Variants in SAMD5 observed in about 807,000 individuals in gnomAD.
SAMD5 encodes sterile alpha motif domain-containing protein 5.
A neutral mutation model predicts 11.3 loss-of-function variants in SAMD5; 13 were observed. The observed-to-expected ratio is 1.15, with a 90% CI of 0.75 to 1.83. SAMD5 has a LOEUF of 1.83. Ranked by LOEUF, SAMD5 falls within the 40% of genes most tolerant of loss-of-function variation. SAMD5 has a pLI of 0.00. For missense variants in SAMD5, 255 were observed against 239.1 expected (o/e 1.07, Z -0.44); for synonymous variants, 129 against 111.3 (o/e 1.16, Z -1.00).
chr6:147,820,626 T>C, the SAMD5 span, among the ~76,000 whole-genome samples: 2 of 152,238 alleles, frequency 1.3e-5, no homozygotes, highest in Non-Finnish European at 2.9e-5. Flanking sequence ...CATAGTAGTC[T>C]GAACAAAAGG....
At chr6:147,853,462 C>T in the SAMD5 span, among the ~76,000 whole-genome samples, 2 of 151,856 alleles carry the variant, frequency 1.3e-5, no homozygotes, top group Admixed American at 1.3e-4. Flanking sequence ...GTGAGTAGAC[C>T]TGTTAGGTTA....
At chr6:147,653,899 T>C (rs888666579) in intron 1 of SAMD5, among the ~76,000 whole-genome samples, 2 of 152,198 alleles carry the variant, frequency 1.3e-5, no homozygotes, top group African/African-American at 4.8e-5. Context: ...GATATTCCCA[T>C]GGGCATGGAG....
At chr6:147,791,285 G>A in the SAMD5 span, among the ~76,000 whole-genome samples, 145 of 150,376 alleles carry the variant, frequency 9.6e-4, no homozygotes, top group South Asian at 4.2e-4. Flanking sequence ...GTAAGACCCC[G>A]TCTCAAATAA....
At chr6:147,613,448 G>A (rs1467205204) in intron 1 of SAMD5, among the ~76,000 whole-genome samples, 1 of 151,780 alleles carries the variant, frequency 6.6e-6, no homozygotes, top group African/African-American at 2.4e-5. Flanking sequence ...TCAGAGACAG[G>A]GATTATTCTC....
the SAMD5 span, among the ~76,000 whole-genome samples, chr6:147,771,406 G>A: frequency 0.98 from 149,305 of 152,312 alleles, 73,201 homozygotes; most frequent in Middle Eastern, 1. Context: ...TTCCGGAAGC[G>A]GTAGCACTCC....
Position 147,566,233 on chromosome 6 carries a change from A to G in SAMD5, c.*1777A>G. ...TAAAAGCATGTATAGGTTGTCCTTAAATTATACAAAAGCTTTTAGTTTCAT... is the reference window on the plus strand; with the variant it reads ...TAAAAGCATGTATAGGTTGTCCTTAGATTATACAAAAGCTTTTAGTTTCAT... On this transcript the variant is annotated 3_prime_UTR_variant, in exon 2 of 2. Coordinates refer to ENST00000367474, the MANE Select transcript of SAMD5 (RefSeq NM_001030060.3). 7 of 978,602 alleles carry G rather than the reference A, an allele frequency of 7.2e-6. No individual in the cohort carries two copies. The highest frequency in any genetic ancestry group is 8.5e-6 in the Non-Finnish European group (7 of 823,742). 60.6% of individuals were successfully genotyped at this position (978,602 alleles called of 1,614,324 possible). A position where few individuals can be genotyped will look rare whatever the true frequency, so the allele number is the denominator to read the frequency against.
intron 1 of SAMD5, among the ~76,000 whole-genome samples, chr6:147,639,701 C>A (rs958783127): frequency 1.3e-5 from 2 of 152,202 alleles, no homozygotes; most frequent in Non-Finnish European, 2.9e-5. Flanking sequence ...AAAAAGGTGC[C>A]TGTGTTTCCT....
the SAMD5 span, among the ~76,000 whole-genome samples, chr6:147,745,840 G>A: frequency 6.7e-6 from 1 of 149,174 alleles, no homozygotes; most frequent in South Asian, 2.1e-4. Flanking sequence ...CTATGGTGAT[G>A]GGAACAAGGC....
chr6:147,657,178 G>A (rs1239755775), intron 1 of SAMD5, among the ~76,000 whole-genome samples: 1 of 152,088 alleles, frequency 6.6e-6, no homozygotes, highest in Non-Finnish European at 1.5e-5. Flanking sequence ...TTTCTTATAG[G>A]TATGAAACAA....
intron 1 of SAMD5, among the ~76,000 whole-genome samples, chr6:147,693,966 C>CA (rs1442966377): frequency 7.9e-5 from 12 of 151,962 alleles, no homozygotes; most frequent in Non-Finnish European, 1.5e-5. Flanking sequence ...GACTTTGTCT[C>CA]AAAAAAATTG....
At chr6:147,851,611 G>A in the SAMD5 span, among the ~76,000 whole-genome samples, 1 of 152,100 alleles carries the variant, frequency 6.6e-6, no homozygotes, top group Non-Finnish European at 1.5e-5. Flanking sequence ...ACCACCTCTT[G>A]ATTTTTTTAT....
intron 1 of SAMD5, among the ~76,000 whole-genome samples, chr6:147,654,334 A>G (rs941643568): frequency 1.2e-4 from 18 of 152,242 alleles, no homozygotes; most frequent in African/African-American, 4.3e-4. Flanking sequence ...CCATCATCAC[A>G]TACCTTTCTA....
intron 1 of SAMD5, among the ~76,000 whole-genome samples, chr6:147,647,109 G>A (rs1178732014): frequency 6.6e-6 from 1 of 152,012 alleles, no homozygotes; most frequent in Admixed American, 6.6e-5. Flanking sequence ...GGAGGTTGCA[G>A]TGAGCTAAGA....
intron 1 of SAMD5, among the ~76,000 whole-genome samples, chr6:147,560,936 G>T (rs1010518477): frequency 6.6e-6 from 1 of 152,198 alleles, no homozygotes; most frequent in Non-Finnish European, 1.5e-5. Context: ...TGGCTTGAAT[G>T]TAAGAACTTC....
chr6:147,731,835 AG>A (rs1174624158), intron 1 of SAMD5, among the ~76,000 whole-genome samples: 1 of 151,968 alleles, frequency 6.6e-6, no homozygotes, highest in African/African-American at 2.4e-5. Context: ...TGTGGAGCAA[AG>A]GTCTGTCAAA....
chr6:147,730,868 A>G (rs189393582), intron 1 of SAMD5, among the ~76,000 whole-genome samples: 1 of 152,228 alleles, frequency 6.6e-6, no homozygotes, highest in East Asian at 1.9e-4. Context: ...CAGTGTGTGG[A>G]CCACTGGTGA....
At chr6:147,859,830 C>G in the SAMD5 span, among the ~76,000 whole-genome samples, 1 of 152,148 alleles carries the variant, frequency 6.6e-6, no homozygotes, top group African/African-American at 2.4e-5. Context: ...CATTCATTTA[C>G]TGGAATTTAG....
At chr6:147,763,672 C>T in the SAMD5 span, among the ~76,000 whole-genome samples, 1 of 151,798 alleles carries the variant, frequency 6.6e-6, no homozygotes, top group Non-Finnish European at 1.5e-5. Flanking sequence ...GCTCTGCCTC[C>T]CCTGGCTTCA....
intron 1 of SAMD5, among the ~76,000 whole-genome samples, chr6:147,646,290 C>T (rs938678419): frequency 3.9e-5 from 6 of 152,156 alleles, no homozygotes; most frequent in Non-Finnish European, 8.8e-5. Context: ...CATGCCACTG[C>T]ACTCCAGCCT....
Sources: gnomAD v4.1 joint callset for allele counts (sites outside exome capture counted in the v4.1 genomes callset) on GRCh38, gnomAD v4.1.1 for gene constraint, MANE v1.5 for transcripts, NCBI Gene and HGNC (gene_info 2026-07-23, HGNC 2026-07-21) for gene names.